The following AMMECR1 variants were observed in gnomAD, a reference collection of about 807,000 sequenced individuals.
AMMECR1 encodes the protein nuclear protein AMMECR1.
Under a neutral mutation model 22.5 loss-of-function variants are expected in AMMECR1, and 3 were observed. The observed-to-expected ratio is 0.13, with a 90% confidence interval of 0.06 to 0.35. AMMECR1 has a LOEUF of 0.35. Among genes scored for constraint, AMMECR1 ranks in the 10% least tolerant of loss-of-function variants. The pLI is 1.00. For missense variants in AMMECR1, 235 were observed against 278.7 expected, an observed-to-expected ratio of 0.84 and a Z score of 1.12; for synonymous variants, 130 against 116.7, an observed-to-expected ratio of 1.11 and a Z score of -0.74.
intron 2 of AMMECR1, among the ~76,000 whole-genome samples, chrX:110,344,411 C>T (rs868205375): frequency 9.0e-6 from 1 of 111,676 alleles, no homozygotes; most frequent in South Asian, 3.7e-4. Flanking sequence ...ACCTAGGCAA[C>T]ACCATTCAGG....
chrX:110,369,160 G>C (rs190116417), intron 2 of AMMECR1, among the ~76,000 whole-genome samples: 2 of 110,803 alleles, frequency 1.8e-5, no homozygotes, highest in Admixed American at 9.6e-5. Flanking sequence ...GTGAAACCCC[G>C]TCTCTACTAA....
chrX:110,356,327 GT>G (rs1185402450), intron 2 of AMMECR1, among the ~76,000 whole-genome samples: 2 of 108,321 alleles, frequency 1.8e-5, no homozygotes, highest in Non-Finnish European at 3.8e-5. Flanking sequence ...TGATTTTTGT[GT>G]TTTTTTAGTG....
At chrX:110,421,324 C>T (rs2068715668) in intron 2 of AMMECR1, among the ~76,000 whole-genome samples, 1 of 112,613 alleles carries the variant, frequency 8.9e-6, no homozygotes, top group Non-Finnish European at 1.9e-5. Context: ...ACCCTAGTGG[C>T]AGGATGCTGC....
At chrX:110,205,334 T>C (rs2067416861) in intron 3 of AMMECR1, among the ~76,000 whole-genome samples, 1 of 111,818 alleles carries the variant, frequency 8.9e-6, no homozygotes, top group South Asian at 3.7e-4. Context: ...TAATTCCATA[T>C]TGTTTCAGGG....
intron 2 of AMMECR1, among the ~76,000 whole-genome samples, chrX:110,251,351 G>A (rs1285101342): frequency 8.9e-6 from 1 of 111,889 alleles, no homozygotes; most frequent in East Asian, 2.8e-4. Context: ...GAGTCTTGAA[G>A]GATAAGTAGG....
intron 3 of AMMECR1, among the ~76,000 whole-genome samples, chrX:110,209,450 A>C (rs2148166603): frequency 8.9e-6 from 1 of 112,491 alleles, no homozygotes; most frequent in African/African-American, 3.2e-5. Context: ...AGGATGATAC[A>C]GTAATTAAAT....
intron 1 of AMMECR1, among the ~76,000 whole-genome samples, chrX:110,272,008 G>C (rs2067801530): frequency 1.8e-5 from 2 of 110,589 alleles, no homozygotes; most frequent in Admixed American, 1.9e-4. Context: ...GAGGTCAGGA[G>C]ATCGAGACCA....
chrX:110,242,459 T>C (rs2067638345), intron 2 of AMMECR1, among the ~76,000 whole-genome samples: 1 of 111,600 alleles, frequency 9.0e-6, no homozygotes. Context: ...CAAAATAGTA[T>C]TGGCCAAGAA....
At chrX:110,340,766 A>G (rs2068161316) in intron 2 of AMMECR1, among the ~76,000 whole-genome samples, 1 of 112,642 alleles carries the variant, frequency 8.9e-6, no homozygotes, top group Non-Finnish European at 1.9e-5. Flanking sequence ...GGAGATTTTA[A>G]TACTTATCTG....
At chrX:110,309,164 G>A (rs1358274784) in intron 1 of AMMECR1, 1 of 111,827 alleles carries the variant, frequency 8.9e-6, no homozygotes, top group East Asian at 2.8e-4. Context: ...TAGTACATAA[G>A]CATTTATTTG....
At chrX:110,426,576 G>A (rs2068755875) in intron 2 of AMMECR1, 1 of 112,197 alleles carries the variant, frequency 8.9e-6, no homozygotes, top group South Asian at 3.7e-4. Context: ...CGTGAGACAT[G>A]GCGTCTGAAT....
intron 1 of AMMECR1, among the ~76,000 whole-genome samples, chrX:110,284,434 C>T (rs1209502337): frequency 3.6e-5 from 4 of 112,038 alleles, no homozygotes; most frequent in African/African-American, 1.3e-4. Context: ...GAAATCTTCC[C>T]TAGAGAAACC....
intron 2 of AMMECR1, among the ~76,000 whole-genome samples, chrX:110,408,678 G>T (rs1164545481): frequency 3.6e-5 from 4 of 112,202 alleles, no homozygotes; most frequent in African/African-American, 1.3e-4. Flanking sequence ...CAACAATTGT[G>T]ATGTTGCTTT....
intron 2 of AMMECR1, among the ~76,000 whole-genome samples, chrX:110,340,949 G>A (rs888550697): frequency 1.2e-4 from 14 of 112,588 alleles, no homozygotes; most frequent in Non-Finnish European, 1.7e-4. Flanking sequence ...TGGCTTAAAT[G>A]CCAGCACAGA....
intron 1 of AMMECR1, among the ~76,000 whole-genome samples, chrX:110,278,149 A>T (rs980451989): frequency 8.9e-6 from 1 of 112,241 alleles, no homozygotes; most frequent in African/African-American, 3.2e-5. Context: ...CCATATCTAT[A>T]GAAGGACAGT....
At chrX:110,285,471 G>A (rs2067874367) in intron 1 of AMMECR1, among the ~76,000 whole-genome samples, 1 of 111,638 alleles carries the variant, frequency 9.0e-6, no homozygotes, top group Non-Finnish European at 1.9e-5. Context: ...AAGTAAAAAG[G>A]TGAAATTTCT....
chrX:110,211,713 A>G (rs1248234528), intron 3 of AMMECR1, among the ~76,000 whole-genome samples: 2 of 112,122 alleles, frequency 1.8e-5, no homozygotes, highest in African/African-American at 6.5e-5. Flanking sequence ...GCAGGTAGAC[A>G]TTCCAATTTA....
At chrX:110,200,102 A>G (rs2067389761) in intron 5 of AMMECR1, among the ~76,000 whole-genome samples, 1 of 111,710 alleles carries the variant, frequency 9.0e-6, no homozygotes, top group African/African-American at 3.3e-5. Flanking sequence ...CTGTCAAAAA[A>G]AAATCCCTTT....
intron 2 of AMMECR1, among the ~76,000 whole-genome samples, chrX:110,359,783 A>G (rs1384528989): frequency 3.6e-5 from 4 of 111,948 alleles, no homozygotes. Flanking sequence ...ATAGCAGCAC[A>G]TATACTAAGT....
Sources: allele counts gnomAD v4.1 joint callset (sites outside exome capture counted in the v4.1 genomes callset), GRCh38; gene constraint gnomAD v4.1.1; transcripts MANE v1.5; gene names NCBI Gene and HGNC (gene_info 2026-07-23, HGNC 2026-07-21).